The following CDIN1 variants were observed in gnomAD, a reference collection of about 807,000 sequenced individuals.
CDIN1 encodes CDAN1 interacting nuclease 1, also known as CDAN1-interacting nuclease 1.
In CDIN1, 33 loss-of-function variants were observed where a neutral mutation model predicts 45.3. The ratio of observed to expected loss-of-function variants is 0.73; its 90% CI spans 0.55 to 0.97. CDIN1 has a LOEUF of 0.97. Ranked by LOEUF, CDIN1 falls within the 50% of genes least tolerant of loss-of-function variation. CDIN1 has a pLI of 0.00. For synonymous variants in CDIN1, 118 were observed against 124.4 expected, an observed-to-expected ratio of 0.95 and a Z score of 0.34; for missense variants, 303 against 339.4, an observed-to-expected ratio of 0.89 and a Z score of 0.84.
chr15:36,723,894 T>C (rs1487546555), intron 10 of CDIN1, among the ~76,000 whole-genome samples: 1 of 152,234 alleles, frequency 6.6e-6, no homozygotes, highest in East Asian at 1.9e-4. Context: ...TTGCCTTCAG[T>C]GAATTTAATT....
At chr15:36,760,275 T>C (rs1049520197) in intron 10 of CDIN1, among the ~76,000 whole-genome samples, 3 of 152,174 alleles carry the variant, frequency 2.0e-5, no homozygotes, top group East Asian at 1.9e-4. Context: ...CAGTCAACAT[T>C]TTCATTCTCT....
chr15:36,599,821 CTG>C (rs962238824), intron 1 of CDIN1, among the ~76,000 whole-genome samples: 20 of 152,196 alleles, frequency 1.3e-4, no homozygotes, highest in Admixed American at 2.0e-4. Flanking sequence ...GGGGAGTCAT[CTG>C]TCAGCCATGC....
At chr15:36,793,707 A>G (rs1394848887) in intron 10 of CDIN1, among the ~76,000 whole-genome samples, 1 of 152,060 alleles carries the variant, frequency 6.6e-6, no homozygotes, top group African/African-American at 2.4e-5. Flanking sequence ...CTTGGTATTT[A>G]TTTCCTGCAA....
intron 10 of CDIN1, among the ~76,000 whole-genome samples, chr15:36,786,490 C>T (rs1011544380): frequency 2.0e-5 from 3 of 152,162 alleles, no homozygotes; most frequent in African/African-American, 7.2e-5. Flanking sequence ...TTTATTCTCT[C>T]AGTATTGTGG....
chr15:36,783,283 A>G (rs1371404473), intron 10 of CDIN1, among the ~76,000 whole-genome samples: 1 of 152,148 alleles, frequency 6.6e-6, no homozygotes, highest in Non-Finnish European at 1.5e-5. Flanking sequence ...GCCGCACACC[A>G]GCAGTTCGGC....
intron 4 of CDIN1, among the ~76,000 whole-genome samples, chr15:36,657,358 T>C (rs1416662248): frequency 6.6e-6 from 1 of 152,112 alleles, no homozygotes. Context: ...AGTAAAATCC[T>C]TATTTGGATT....
At chr15:36,784,802 T>C (rs28565981) in intron 10 of CDIN1, among the ~76,000 whole-genome samples, 27,152 of 152,076 alleles carry the variant, frequency 0.18, 4,514 homozygotes, top group African/African-American at 0.44. Flanking sequence ...CTTTGCTACT[T>C]TTTCCTTCAG....
At chr15:36,711,259 T>A (rs943405139) in intron 10 of CDIN1, among the ~76,000 whole-genome samples, 51 of 152,078 alleles carry the variant, frequency 3.4e-4, no homozygotes, top group Non-Finnish European at 3.2e-4. Context: ...TAAAGTATTT[T>A]AAAAAAAACT....
At chr15:36,660,210 A>T (rs968097391) in intron 5 of CDIN1, among the ~76,000 whole-genome samples, 2 of 152,050 alleles carry the variant, frequency 1.3e-5, no homozygotes, top group Admixed American at 6.6e-5. Context: ...GTTCAGTGCT[A>T]TTGGCAGAGG....
At chr15:36,665,175 A>G (rs2041201212) in intron 5 of CDIN1, among the ~76,000 whole-genome samples, 1 of 152,216 alleles carries the variant, frequency 6.6e-6, no homozygotes. Flanking sequence ...TACTGGTGAA[A>G]TGAGAAAATA....
chr15:36,797,205 T>C (rs2054829338), intron 10 of CDIN1, among the ~76,000 whole-genome samples: 1 of 152,244 alleles, frequency 6.6e-6, no homozygotes, highest in Non-Finnish European at 1.5e-5. Context: ...TTCACTTTAA[T>C]AGTTTGCTAT....
At chr15:36,676,202 G>A (rs183596587) in intron 5 of CDIN1, among the ~76,000 whole-genome samples, 204 of 152,096 alleles carry the variant, frequency 1.3e-3, no homozygotes, top group African/African-American at 4.4e-3. Context: ...TTGAAATTTC[G>A]CCTCTGCTCA....
At chr15:36,737,086 T>G (rs1416817864) in intron 10 of CDIN1, among the ~76,000 whole-genome samples, 2 of 151,056 alleles carry the variant, frequency 1.3e-5, no homozygotes, top group East Asian at 3.9e-4. Context: ...AAGAATTGCT[T>G]GAACCCAGGA....
In CDIN1 at chr15:36,579,910, CTG is replaced by C; in HGVS notation, c.53_54del (p.Val18AlafsTer35). ...GACGAGATAGCCCAGTGCCTAGTGT[CTG>C]TGCCGCCTACCAGGCAGAGCCTGAG... On this transcript the variant is annotated frameshift_variant, in exon 1 of 11. Transcript: ENST00000566621. LOFTEE classifies it high-confidence loss of function. The C allele has an allele frequency of 6.2e-7, 1 of 1,614,006 alleles. No individual in the cohort carries two copies. The highest frequency in any genetic ancestry group is 8.5e-7 in the Non-Finnish European group (1 of 1,179,894).
intron 1 of CDIN1, among the ~76,000 whole-genome samples, chr15:36,588,500 A>G (rs1240700248): frequency 6.6e-6 from 1 of 152,206 alleles, no homozygotes; most frequent in African/African-American, 2.4e-5. Flanking sequence ...TGGAAATTCT[A>G]CTGATGGTTT....
At chr15:36,741,761 G>A (rs1200094673) in intron 10 of CDIN1, among the ~76,000 whole-genome samples, 2 of 151,954 alleles carry the variant, frequency 1.3e-5, no homozygotes, top group Non-Finnish European at 2.9e-5. Context: ...TCTTCTTCTT[G>A]TAAGGACATT....
At chr15:36,604,456 C>CACACACACAT (rs1241807342) in intron 1 of CDIN1, among the ~76,000 whole-genome samples, 20 of 151,208 alleles carry the variant, frequency 1.3e-4, no homozygotes, top group Non-Finnish European at 2.5e-4. Flanking sequence ...CACACACACA[C>CACACACACAT]ATTTTAGAGT....
chr15:36,750,214 G>A (rs2053423128), intron 10 of CDIN1, among the ~76,000 whole-genome samples: 1 of 151,704 alleles, frequency 6.6e-6, no homozygotes, highest in Non-Finnish European at 1.5e-5. Flanking sequence ...GTTCCTTATG[G>A]CAAAAAAAAC....
intron 1 of CDIN1, chr15:36,618,592 A>G: frequency 1.2e-6 from 1 of 842,560 alleles, no homozygotes; most frequent in South Asian, 1.3e-5. Flanking sequence ...GGAGAATAGG[A>G]TGTCTGATGT....
Sources: gnomAD v4.1 joint callset for allele counts (sites outside exome capture counted in the v4.1 genomes callset) on GRCh38, gnomAD v4.1.1 for gene constraint, MANE v1.5 for transcripts, NCBI Gene and HGNC (gene_info 2026-07-23, HGNC 2026-07-21) for gene names.